Variants in PCMT1 observed in about 807,000 individuals in gnomAD.
The protein encoded by PCMT1 is protein-L-isoaspartate (D-aspartate) O-methyltransferase.
PCMT1 carries 9 observed loss-of-function variants against 29.2 expected under a neutral mutation model. That is an observed-to-expected ratio of 0.31 (90% CI 0.19 to 0.54). The LOEUF (loss-of-function observed/expected upper bound fraction) is 0.54. Among genes scored for constraint, PCMT1 ranks in the 20% least tolerant of loss-of-function variants. The probability of loss-of-function intolerance (pLI) is 0.95; values close to 1 mark genes in which losing one functional copy is unlikely to be tolerated. For synonymous variants in PCMT1, 98 were observed against 97.5 expected, an observed-to-expected ratio of 1.00 and a Z score of -0.03; for missense variants, 184 against 282.2, an observed-to-expected ratio of 0.65 and a Z score of 2.49.
chr6:149,786,018 C>A (rs900298547), intron 3 of PCMT1, among the ~76,000 whole-genome samples: 1 of 148,610 alleles, frequency 6.7e-6, no homozygotes, highest in Non-Finnish European at 1.5e-5. Context: ...CCGGACGGGG[C>A]GGCTGGCCGG....
At chr6:149,789,890 CTTTA>C in intron 3 of PCMT1, 60 bp from the exon 4 acceptor site, 1 of 1,110,138 alleles carries the variant, frequency 9.0e-7, no homozygotes, top group Non-Finnish European at 1.3e-6. Flanking sequence ...AAGTTGGCAA[CTTTA>C]TTTATATACC....
chr6:149,808,835 A>T (rs2115354178), intron 7 of PCMT1, among the ~76,000 whole-genome samples: 1 of 151,816 alleles, frequency 6.6e-6, no homozygotes, highest in South Asian at 2.1e-4. Flanking sequence ...ACGAGGTTTC[A>T]CCATGTTAGC....
In PCMT1 at chr6:149,771,737, G is replaced by A. The variant is rs1018468896; in HGVS notation, c.160+471G>A. Among the ~76,000 whole-genome samples the A allele has an allele frequency of 2.6e-5, 4 of 151,954 alleles. 1 individual carries two copies. The highest frequency in any genetic ancestry group is 4.2e-4 in the South Asian group (2 of 4,814). ...TCAGCGTGTTGCCCAAGCTGGTCTCGGAACTCCTGAGCTCAGGCAAACCAC... is the reference window on the plus strand; with the variant it reads ...TCAGCGTGTTGCCCAAGCTGGTCTCAGAACTCCTGAGCTCAGGCAAACCAC... On this transcript the variant is annotated intron_variant, in intron 2 of 7. Transcript: ENST00000464889.
intron 3 of PCMT1, among the ~76,000 whole-genome samples, chr6:149,776,800 T>C (rs1460071419): frequency 6.6e-6 from 1 of 152,210 alleles, no homozygotes. Flanking sequence ...ATTAAAAAAT[T>C]TGATACTTTG....
intron 1 of PCMT1, among the ~76,000 whole-genome samples, chr6:149,751,060 T>C (rs146394038): frequency 0.011 from 1,649 of 152,336 alleles, 31 homozygotes; most frequent in African/African-American, 0.038. Flanking sequence ...CTCACGCCTG[T>C]AATGCCAGCA....
intron 4 of PCMT1, 24 bp downstream of exon 4, chr6:149,790,082 G>A: frequency 1.5e-6 from 2 of 1,318,560 alleles, no homozygotes; most frequent in Non-Finnish European, 2.1e-6. Context: ...TTCTCACTCT[G>A]GCCCCAACAG....
In PCMT1 at chr6:149,802,257, G is replaced by A. The variant is rs771064846; in HGVS notation, c.562G>A (p.Gly188Arg). The change falls in exon 7 of 8, where the codon GGA becomes AGA. Residue 188 changes from glycine (G) to arginine (R), a missense_variant. Transcript: ENST00000464889. ...GATATTGCCTGTTGGTCCTGCAGGC[G>A]GAAACCAAATGTTGGAGCAGTATGA... ...RLILPVGPAG[G>R]NQMLEQYDKL... 11 of 1,613,092 alleles carry A rather than the reference G, an allele frequency of 6.8e-6. No homozygotes were observed. Among genetic ancestry groups the A allele is most frequent in the South Asian group, 3.3e-5 (3 of 91,004 alleles).
intron 3 of PCMT1, among the ~76,000 whole-genome samples, chr6:149,774,602 A>C (rs1408321138): frequency 7.1e-6 from 1 of 140,424 alleles, no homozygotes; most frequent in South Asian, 2.2e-4. Flanking sequence ...CAATATTGTC[A>C]TCTCTGCTCA....
chr6:149,807,024 A>G (rs1193673301), intron 7 of PCMT1, among the ~76,000 whole-genome samples: 2 of 152,190 alleles, frequency 1.3e-5, no homozygotes, highest in Non-Finnish European at 2.9e-5. Flanking sequence ...GTGAGATCCC[A>G]TTTTTGCTGA....
Position 149,771,349 on chromosome 6 carries a change from A to T in PCMT1, c.160+83A>T. 5.2e-6 allele frequency: 4 copies of T among 768,702 alleles called. No homozygotes were observed. The South Asian group carries it at 6.9e-5, about 13-fold the overall frequency. 47.6% of individuals were successfully genotyped at this position (768,702 alleles called of 1,614,324 possible). On this transcript the variant is annotated intron_variant, in intron 2 of 7. Coordinates refer to ENST00000464889, the MANE Select transcript of PCMT1 (RefSeq NM_001360452.2). ...GAAGTAGAAAAAGCCTGGGACACAG[A>T]TATTTATCTATTATTACCTTCTTAA...
chr6:149,787,685 A>G lies in PCMT1; in HGVS notation c.193-2269A>G, dbSNP rs540447893. ...GCCCAAATGTTTTTAAATCTTTGAC[A>G]TAATTTCTGACTTACAGAAATATTA... On this transcript the variant is annotated intron_variant, in intron 3 of 7. Coordinates refer to ENST00000464889, the MANE Select transcript of PCMT1 (RefSeq NM_001360452.2). Among the ~76,000 whole-genome samples, 3 of 152,120 alleles carry G rather than the reference A, an allele frequency of 2.0e-5. No homozygotes were observed. In the East Asian group the frequency reaches 5.8e-4, roughly 30 times the overall value.
intron 1 of PCMT1, among the ~76,000 whole-genome samples, chr6:149,752,671 C>T (rs1490328383): frequency 6.6e-6 from 1 of 152,190 alleles, no homozygotes; most frequent in African/African-American, 2.4e-5. Flanking sequence ...TTAACATGAT[C>T]TCAGTGCCTT....
rs896227067 is a variant in PCMT1, at chr6:149,810,601, CTT to C, written c.*38-10_*38-9del. The C allele has an allele frequency of 2.6e-6, 4 of 1,545,984 alleles. No individual in the cohort carries two copies. In the African/African-American group the frequency reaches 4.1e-5, roughly 16 times the overall value. On this transcript the variant is annotated splice_polypyrimidine_tract_variant and intron_variant, in intron 7 of 7. Coordinates refer to ENST00000464889, the MANE Select transcript of PCMT1 (RefSeq NM_001360452.2). ...GTAACTCCTACTAATGTATTTCTCTCTTTTTTCCTCACAGGGATGAATTGTAA... is the reference window on the plus strand; with the variant it reads ...GTAACTCCTACTAATGTATTTCTCTCTTTTCCTCACAGGGATGAATTGTAA...
rs530006864 is a variant in PCMT1, at chr6:149,802,310, G to T, written c.615G>T (p.Met205Ile). The change falls in exon 7 of 8, where the codon ATG (methionine) becomes ATT (isoleucine). Residue 205 changes from methionine (M) to isoleucine (I), a missense_variant. Physicochemically the swap from Met to Ile is conservative, Grantham distance 10 (BLOSUM62 1). Coordinates refer to ENST00000464889, the MANE Select transcript of PCMT1 (RefSeq NM_001360452.2). Reference protein sequence around the residue: ...YDKLQDGSIKMKPLMGVIYVP... With the variant: ...YDKLQDGSIKIKPLMGVIYVP... Reference sequence around the variant, plus strand: ...AGCTACAAGATGGCAGCATCAAAATGAAGCCTCTGATGGGGGTGATATACG... The same window carrying T: ...AGCTACAAGATGGCAGCATCAAAATTAAGCCTCTGATGGGGGTGATATACG... The T allele has an allele frequency of 8.5e-5, 137 of 1,613,824 alleles. No individual in the cohort carries two copies. The Admixed American group carries it at 9.8e-4, about 12-fold the overall frequency.
rs747874656 is a variant in PCMT1 at position 149,749,933 on chromosome 6, C to T, written c.32C>T (p.Ser11Leu). ...TGGAAATCCGGCGGCGCCAGCCACT[C>T]GGAGCTAATCCACAATCTCCGCAGT... MAWKSGGASHSELIHNLRKNG... is the reference protein window; with the variant it reads MAWKSGGASHLELIHNLRKNG... The change falls in exon 1 of 8, where the codon TCG (serine) becomes TTG (leucine). Residue 11 changes from serine to leucine, a missense_variant. Ser to Leu is a moderately radical substitution (Grantham distance 145). Coordinates refer to ENST00000464889, the MANE Select transcript of PCMT1 (RefSeq NM_001360452.2). The T allele has an allele frequency of 5.0e-6, 8 of 1,610,788 alleles. No individual in the cohort carries two copies. Among genetic ancestry groups the T allele is most frequent in the Non-Finnish European group, 6.8e-6 (8 of 1,178,760 alleles).
At chr6:149,782,367 A>T (rs1787849667) in intron 3 of PCMT1, among the ~76,000 whole-genome samples, 1 of 152,208 alleles carries the variant, frequency 6.6e-6, no homozygotes, top group African/African-American at 2.4e-5. Context: ...AATGAACCTT[A>T]AAATCACAAG....
At chr6:149,782,220 T>C (rs903192152) in intron 3 of PCMT1, among the ~76,000 whole-genome samples, 4 of 152,144 alleles carry the variant, frequency 2.6e-5, no homozygotes, top group Non-Finnish European at 5.9e-5. Flanking sequence ...CAGTGCAAGA[T>C]GTGAATAGGG....
intron 1 of PCMT1, among the ~76,000 whole-genome samples, chr6:149,760,280 C>T (rs1358824950): frequency 6.6e-6 from 1 of 152,084 alleles, no homozygotes; most frequent in Non-Finnish European, 1.5e-5. Flanking sequence ...GTCTTATTTG[C>T]CTCTTCATAT....
At chr6:149,806,194 C>A (rs1457955638) in intron 7 of PCMT1, among the ~76,000 whole-genome samples, 1 of 152,124 alleles carries the variant, frequency 6.6e-6, no homozygotes, top group Non-Finnish European at 1.5e-5. Context: ...GAATTTGAAA[C>A]TGACTGCTCT....
Sources: gnomAD v4.1 joint callset for allele counts (sites outside exome capture counted in the v4.1 genomes callset) on GRCh38, gnomAD v4.1.1 for gene constraint, MANE v1.5 for transcripts, NCBI Gene and HGNC (gene_info 2026-07-23, HGNC 2026-07-21) for gene names.